The following CPVL variants were observed in gnomAD, a reference collection of about 807,000 sequenced individuals.
CPVL encodes the protein carboxypeptidase vitellogenic like, also known as probable serine carboxypeptidase CPVL.
CPVL carries 51 observed loss-of-function variants against 63.7 expected under a neutral mutation model. That is an observed-to-expected ratio of 0.80 (90% confidence interval 0.64 to 1.01). The LOEUF is 1.01. Among genes scored for constraint, CPVL ranks in the 50% least tolerant of loss-of-function variants. CPVL has a pLI of 0.00. For missense variants in CPVL, 530 were observed against 573.1 expected, an observed-to-expected ratio of 0.92 and a Z score of 0.77; for synonymous variants, 195 against 206.0, an observed-to-expected ratio of 0.95 and a Z score of 0.46.
At position 29,007,851 on chromosome 7, in the gene CPVL, T is replaced by C. The variant is rs139131058; in HGVS notation, c.1321-11969A>G. ...TTTAATTCACTGAACATTTACTCAG[T>C]GCCAAGAACTGTGCTAAGGGGTATG... On this transcript the variant is annotated intron_variant, in intron 12 of 12. Transcript: ENST00000265394. Among the ~76,000 whole-genome samples the C allele has an allele frequency of 1.7e-3, 255 of 152,280 alleles. 2 individuals are homozygous for C. Among genetic ancestry groups the C allele is most frequent in the South Asian group, 0.011 (51 of 4,824 alleles).
chr7:29,138,421 A>C (rs909137995), intron 1 of CPVL, among the ~76,000 whole-genome samples: 3 of 152,152 alleles, frequency 2.0e-5, no homozygotes, highest in Non-Finnish European at 2.9e-5. Flanking sequence ...GCCTGGGCAA[A>C]AGAGCGAGAC....
intron 12 of CPVL, among the ~76,000 whole-genome samples, chr7:29,030,086 C>T (rs1032486844): frequency 1.3e-5 from 2 of 152,070 alleles, no homozygotes; most frequent in African/African-American, 2.4e-5. Context: ...ACCATGATTC[C>T]AACACTTGAA....
At chr7:29,012,343 A>G (rs1785935633) in intron 12 of CPVL, 1 of 152,228 alleles carries the variant, frequency 6.6e-6, no homozygotes, top group Non-Finnish European at 1.5e-5. Flanking sequence ...CAGACACACT[A>G]CTATCTAAGA....
intron 1 of CPVL, among the ~76,000 whole-genome samples, chr7:29,130,768 T>A (rs1337828702): frequency 6.6e-6 from 1 of 152,222 alleles, no homozygotes; most frequent in Non-Finnish European, 1.5e-5. Flanking sequence ...AATGCAACTG[T>A]TGATAAAAAC....
intron 7 of CPVL, among the ~76,000 whole-genome samples, chr7:29,074,562 C>T (rs1218498289): frequency 1.3e-5 from 2 of 151,832 alleles, no homozygotes; most frequent in African/African-American, 4.8e-5. Context: ...CTCTGTGTCC[C>T]CAACCAAATC....
At chr7:29,095,163 G>A (rs2128609504) in intron 4 of CPVL, 21 bp from the exon 5 acceptor site, 1 of 1,608,528 alleles carries the variant, frequency 6.2e-7, no homozygotes, top group Non-Finnish European at 8.5e-7. Flanking sequence ...AAAGAAGAGG[G>A]GTGAGATAGA....
Position 29,109,521 on chromosome 7 carries a change from T to G in CPVL, c.288+3183A>C, listed in dbSNP as rs532915298. ...TTCTTCTTGTCACACCTGCTTTATCTCCTTCACCCAAACTGGTGTGACTCC... is the reference window on the plus strand; with the variant it reads ...TTCTTCTTGTCACACCTGCTTTATCGCCTTCACCCAAACTGGTGTGACTCC... On this transcript the variant is annotated intron_variant, in intron 3 of 12. Transcript: ENST00000265394. 2.0e-5 allele frequency among the ~76,000 whole-genome samples: 3 copies of G among 152,314 alleles called. No individual in the cohort carries two copies. In the South Asian group the frequency reaches 6.2e-4, roughly 32 times the overall value.
rs1220311611 is a variant in CPVL at position 28,997,782 on chromosome 7, A to G, written c.1321-1900T>C. Among the ~76,000 whole-genome samples the G allele has an allele frequency of 6.0e-4, 92 of 152,254 alleles. 2 individuals are homozygous for G. The highest frequency in any genetic ancestry group is 1.5e-4 in the Non-Finnish European group (10 of 68,042). The stretch of plus-strand genomic sequence containing the variant: ...GGAACATTTTTATTCACCTCTCAAT[A>G]GCCCTCTGAGGTTTATTGATGAAAA... On this transcript the variant is annotated intron_variant, in intron 12 of 12. Transcript: ENST00000265394.
intron 7 of CPVL, among the ~76,000 whole-genome samples, chr7:29,083,968 A>G (rs1584213445): frequency 2.6e-5 from 4 of 152,042 alleles, no homozygotes; most frequent in Admixed American, 2.6e-4. Context: ...GATCAGAGAT[A>G]ATATTTCTCT....
At chr7:29,191,727 C>T (rs560722374) in intron 1 of CPVL, 2 of 152,286 alleles carry the variant, frequency 1.3e-5, no homozygotes, top group African/African-American at 4.8e-5. Flanking sequence ...TTCTGTAGCA[C>T]CAATATTCTT....
chr7:29,040,560 T>C (rs982277242), intron 11 of CPVL, among the ~76,000 whole-genome samples: 2 of 152,040 alleles, frequency 1.3e-5, no homozygotes, highest in African/African-American at 4.8e-5. Flanking sequence ...GGTAGAAAAA[T>C]TGAATGAAAC....
intron 5 of CPVL, among the ~76,000 whole-genome samples, chr7:29,159,741 T>C (rs1468222115): frequency 6.6e-6 from 1 of 152,212 alleles, no homozygotes; most frequent in Non-Finnish European, 1.5e-5. Context: ...TACTCTGTCC[T>C]GTCTCTTCTT....
intron 12 of CPVL, among the ~76,000 whole-genome samples, chr7:28,996,542 CAAAAAACAAAAAAAA>C (rs1294777588): frequency 2.2e-5 from 3 of 133,676 alleles, no homozygotes; most frequent in African/African-American, 5.3e-5. Context: ...AAAAAAAAAC[CAAAAAACAAAAAAAA>C]AAAAAACAAA....
At chr7:29,087,438 A>AAAT (rs1376933775) in intron 6 of CPVL, among the ~76,000 whole-genome samples, 1 of 151,828 alleles carries the variant, frequency 6.6e-6, no homozygotes, top group Non-Finnish European at 1.5e-5. Flanking sequence ...AAAAAAAAAA[A>AAAT]AAAAAAGAAT....
At chr7:29,187,548 A>T (rs931936423) in intron 1 of CPVL, among the ~76,000 whole-genome samples, 2 of 151,980 alleles carry the variant, frequency 1.3e-5, no homozygotes, top group Admixed American at 6.6e-5. Context: ...ACATGGAGAA[A>T]CCCCGTCTCT....
intron 3 of CPVL, among the ~76,000 whole-genome samples, chr7:29,097,927 AG>A (rs139215882): frequency 0.011 from 1,683 of 152,276 alleles, 31 homozygotes; most frequent in African/African-American, 0.038. Context: ...GAACAGACTT[AG>A]AAAGGGAGGA....
intron 2 of CPVL, among the ~76,000 whole-genome samples, chr7:29,118,944 G>T (rs1321300496): frequency 1.3e-5 from 2 of 152,040 alleles, no homozygotes; most frequent in African/African-American, 4.8e-5. Flanking sequence ...CTCCAACAAT[G>T]GTTCCCCAAA....
At chr7:29,056,152 G>A (rs773803755) in intron 11 of CPVL, among the ~76,000 whole-genome samples, 4 of 152,158 alleles carry the variant, frequency 2.6e-5, no homozygotes, top group Admixed American at 1.3e-4. Flanking sequence ...TCACCACAGC[G>A]ATGTATTTGT....
chr7:29,018,389 T>G (rs1223379486), intron 12 of CPVL, among the ~76,000 whole-genome samples: 1 of 149,892 alleles, frequency 6.7e-6, no homozygotes, highest in Non-Finnish European at 1.5e-5. Context: ...TTTTTTTTTT[T>G]TTTTTTTGAG....
Sources: allele counts gnomAD v4.1 joint callset (sites outside exome capture counted in the v4.1 genomes callset), GRCh38; gene constraint gnomAD v4.1.1; transcripts MANE v1.5; gene names NCBI Gene and HGNC (gene_info 2026-07-23, HGNC 2026-07-21).